The following ARHGAP15 variants were observed in gnomAD, a reference collection of about 807,000 sequenced individuals.
The protein encoded by ARHGAP15 is Rho GTPase activating protein 15, also known as rho GTPase-activating protein 15.
ARHGAP15 carries 51 observed loss-of-function variants against 63.7 expected under a neutral mutation model. That is an observed-to-expected ratio of 0.80 (90% CI 0.64 to 1.01). The LOEUF is 1.01. Ranked by LOEUF, ARHGAP15 falls within the 50% of genes least tolerant of loss-of-function variation. The pLI is 0.00. For missense variants in ARHGAP15, 560 were observed against 564.6 expected (o/e 0.99, Z 0.08); for synonymous variants, 191 against 193.8 (o/e 0.99, Z 0.12).
At chr2:143,538,812 G>T (rs527336536) in intron 10 of ARHGAP15, among the ~76,000 whole-genome samples, 2 of 152,302 alleles carry the variant, frequency 1.3e-5, no homozygotes, top group East Asian at 3.9e-4. Flanking sequence ...TTGCACCAAT[G>T]TTCATCAAGG....
At chr2:143,567,384 G>A (rs1205790085) in intron 11 of ARHGAP15, among the ~76,000 whole-genome samples, 2 of 152,168 alleles carry the variant, frequency 1.3e-5, no homozygotes, top group South Asian at 2.1e-4. Flanking sequence ...AAAAGCAGGC[G>A]TTAGCCCTCA....
intron 6 of ARHGAP15, among the ~76,000 whole-genome samples, chr2:143,259,158 C>T (rs929751263): frequency 2.0e-5 from 3 of 151,982 alleles, no homozygotes; most frequent in Non-Finnish European, 4.4e-5. Context: ...AGGGAGGTTA[C>T]GAACATACTC....
chr2:143,716,009 G>C lies in ARHGAP15; in HGVS notation c.1244+12485G>C, dbSNP rs1470702340. Among the ~76,000 whole-genome samples, 10 of 152,106 alleles carry C rather than the reference G, an allele frequency of 6.6e-5. No homozygotes were observed. The East Asian group carries it at 1.9e-3, about 29-fold the overall frequency. On this transcript the variant is annotated intron_variant, in intron 13 of 13. Coordinates refer to ENST00000295095, the MANE Select transcript of ARHGAP15 (RefSeq NM_018460.4). ...CATTGGGGCCTGTTGGAAGGTTGTGGGGGTGTGAGATGGTGGATGGGAGGA... is the reference window on the plus strand; with the variant it reads ...CATTGGGGCCTGTTGGAAGGTTGTGCGGGTGTGAGATGGTGGATGGGAGGA...
At chr2:143,372,780 C>T (rs1190270690) in intron 6 of ARHGAP15, among the ~76,000 whole-genome samples, 1 of 152,068 alleles carries the variant, frequency 6.6e-6, no homozygotes, top group African/African-American at 2.4e-5. Flanking sequence ...TGTCAGTTAA[C>T]ATGTATTAAA....
intron 6 of ARHGAP15, among the ~76,000 whole-genome samples, chr2:143,318,837 A>G (rs1683857411): frequency 2.0e-5 from 3 of 152,152 alleles, no homozygotes; most frequent in Non-Finnish European, 4.4e-5. Flanking sequence ...ATTAATGCTC[A>G]ATAACTGCTT....
At chr2:143,248,162 G>A (rs924215672) in intron 5 of ARHGAP15, among the ~76,000 whole-genome samples, 2 of 152,068 alleles carry the variant, frequency 1.3e-5, no homozygotes, top group Non-Finnish European at 2.9e-5. Context: ...AACAAGTAGT[G>A]GGATGGAGAG....
At chr2:143,489,979 T>C (rs1478535873) in intron 9 of ARHGAP15, among the ~76,000 whole-genome samples, 1 of 151,948 alleles carries the variant, frequency 6.6e-6, no homozygotes, top group Non-Finnish European at 1.5e-5. Flanking sequence ...GACATGTCAG[T>C]TTTCTTTTTC....
At chr2:143,460,023 A>G (rs1327592400) in intron 8 of ARHGAP15, among the ~76,000 whole-genome samples, 2 of 152,236 alleles carry the variant, frequency 1.3e-5, no homozygotes, top group African/African-American at 4.8e-5. Context: ...ATATCTGTTA[A>G]ATAAGTGAAT....
chr2:143,745,048 T>A lies in ARHGAP15; in HGVS notation c.1245-22941T>A, dbSNP rs1408937027. Among the ~76,000 whole-genome samples the A allele has an allele frequency of 1.8e-4, 28 of 152,248 alleles. 1 individual carries two copies. Among genetic ancestry groups the A allele is most frequent in the Admixed American group, 1.8e-3 (28 of 15,288 alleles). Reference sequence around the variant, plus strand: ...CTAATATATTCCTAAAGTCACTGTTTGTCTACTTTGATACCTCTATTCCTT... The same window carrying A: ...CTAATATATTCCTAAAGTCACTGTTAGTCTACTTTGATACCTCTATTCCTT... On this transcript the variant is annotated intron_variant, in intron 13 of 13. Transcript: ENST00000295095.
At chr2:143,609,373 G>A (rs542026345) in intron 11 of ARHGAP15, among the ~76,000 whole-genome samples, 1 of 152,242 alleles carries the variant, frequency 6.6e-6, no homozygotes, top group Admixed American at 6.5e-5. Flanking sequence ...GAATGGAGTA[G>A]GCACTCTAAG....
intron 13 of ARHGAP15, among the ~76,000 whole-genome samples, chr2:143,735,822 A>G (rs1266927862): frequency 6.6e-6 from 1 of 152,210 alleles, no homozygotes; most frequent in Non-Finnish European, 1.5e-5. Context: ...CAACAAAACT[A>G]TCCTGTCTCT....
At chr2:143,148,369 T>A (rs1689677573) in intron 1 of ARHGAP15, among the ~76,000 whole-genome samples, 1 of 152,028 alleles carries the variant, frequency 6.6e-6, no homozygotes, top group Non-Finnish European at 1.5e-5. Flanking sequence ...TGTGGCAAAG[T>A]CTATGTCTCA....
At chr2:143,273,623 C>T (rs1014161586) in intron 6 of ARHGAP15, among the ~76,000 whole-genome samples, 2 of 152,080 alleles carry the variant, frequency 1.3e-5, no homozygotes, top group African/African-American at 4.8e-5. Context: ...TGTCCTTATG[C>T]CATATGTTGC....
chr2:143,323,074 A>T (rs1346967951), intron 6 of ARHGAP15, among the ~76,000 whole-genome samples: 2 of 152,116 alleles, frequency 1.3e-5, no homozygotes, highest in African/African-American at 2.4e-5. Context: ...TCTTGGGTTG[A>T]TGTATGTTTT....
intron 13 of ARHGAP15, among the ~76,000 whole-genome samples, chr2:143,760,141 C>A (rs767373697): frequency 3.3e-5 from 5 of 152,106 alleles, no homozygotes; most frequent in Admixed American, 6.5e-5. Context: ...ATAGTAAGTA[C>A]GCAATAGATT....
At chr2:143,342,748 A>G (rs950744598) in intron 6 of ARHGAP15, among the ~76,000 whole-genome samples, 2 of 152,084 alleles carry the variant, frequency 1.3e-5, no homozygotes, top group African/African-American at 2.4e-5. Context: ...GCTTCATAGC[A>G]TGAGTCCCAT....
chr2:143,766,544 C>T (rs1209554275), intron 13 of ARHGAP15: 3 of 152,142 alleles, frequency 2.0e-5, no homozygotes, highest in Non-Finnish European at 4.4e-5. Flanking sequence ...TGGAAGGTCT[C>T]AACTTAATAA....
At chr2:143,461,596 A>C (rs1367305698) in intron 8 of ARHGAP15, among the ~76,000 whole-genome samples, 2 of 152,208 alleles carry the variant, frequency 1.3e-5, no homozygotes, top group Non-Finnish European at 2.9e-5. Flanking sequence ...ATCTAAAGTA[A>C]AGGAATCGAT....
At chr2:143,713,378 G>A (rs193231400) in intron 13 of ARHGAP15, among the ~76,000 whole-genome samples, 15 of 152,084 alleles carry the variant, frequency 9.9e-5, no homozygotes, top group Admixed American at 3.3e-4. Context: ...ATTACCTCCC[G>A]CTGGGTCCCT....
Sources: gnomAD v4.1 joint callset for allele counts (sites outside exome capture counted in the v4.1 genomes callset) on GRCh38, gnomAD v4.1.1 for gene constraint, MANE v1.5 for transcripts, NCBI Gene and HGNC (gene_info 2026-07-23, HGNC 2026-07-21) for gene names.